The following HDAC9 variants were observed in gnomAD, a reference collection of about 807,000 sequenced individuals.
The protein encoded by HDAC9 is histone deacetylase 9.
A neutral mutation model predicts 139.4 loss-of-function variants in HDAC9; 41 were observed. The observed-to-expected ratio is 0.29, with a 90% CI of 0.23 to 0.38. The LOEUF (loss-of-function observed/expected upper bound fraction) is 0.38, where lower values mean the gene tolerates loss of function less well. Ranked by LOEUF, HDAC9 falls within the 10% of genes least tolerant of loss-of-function variation. HDAC9 has a pLI of 1.00. For synonymous variants in HDAC9, 517 were observed against 476.2 expected (o/e 1.09, Z -1.12); for missense variants, 1,147 against 1,297.0 (o/e 0.88, Z 1.78).
At chr7:18,166,106 T>C (rs983898403) in intron 2 of HDAC9, among the ~76,000 whole-genome samples, 1 of 152,218 alleles carries the variant, frequency 6.6e-6, no homozygotes, top group Non-Finnish European at 1.5e-5. Flanking sequence ...GATGAATCTA[T>C]TTTTTGTAAT....
chr7:18,302,344 A>G (rs931921160), intron 1 of HDAC9, among the ~76,000 whole-genome samples: 2 of 152,230 alleles, frequency 1.3e-5, no homozygotes, highest in Non-Finnish European at 2.9e-5. Context: ...GAAGGAATCC[A>G]GATGATGATA....
chr7:18,207,772 T>C (rs1317070819), intron 2 of HDAC9, among the ~76,000 whole-genome samples: 2 of 152,010 alleles, frequency 1.3e-5, no homozygotes, highest in Non-Finnish European at 2.9e-5. Flanking sequence ...TGGAGTGCAA[T>C]GGCGCGATCT....
intron 14 of HDAC9, among the ~76,000 whole-genome samples, chr7:18,759,011 G>A (rs2129154226): frequency 6.6e-6 from 1 of 152,140 alleles, no homozygotes. Context: ...GAAAGAATAA[G>A]GAGAAGGAGA....
At chr7:18,891,255 G>A (rs552609225) in intron 22 of HDAC9, among the ~76,000 whole-genome samples, 25 of 152,242 alleles carry the variant, frequency 1.6e-4, no homozygotes, top group African/African-American at 5.8e-4. Context: ...CCACTTTGTC[G>A]CCCAAGTAGC....
chr7:18,774,210 A>G (rs1370191523), intron 16 of HDAC9, among the ~76,000 whole-genome samples: 2 of 152,078 alleles, frequency 1.3e-5, no homozygotes, highest in African/African-American at 2.4e-5. Context: ...ATGACTAAGC[A>G]ATGATTCTCT....
At chr7:18,290,220 A>G (rs947242414), upstream of HDAC9, 5 of 289,018 alleles carry the variant, frequency 1.7e-5, no homozygotes, top group Non-Finnish European at 3.5e-5. Flanking sequence ...ATGTTCATTC[A>G]TTAACTCTCT....
chr7:18,756,014 C>T (rs916067058), intron 14 of HDAC9, among the ~76,000 whole-genome samples: 1 of 152,112 alleles, frequency 6.6e-6, no homozygotes, highest in African/African-American at 2.4e-5. Flanking sequence ...ACAGCTCCCT[C>T]TAACACGTGG....
intron 3 of HDAC9, among the ~76,000 whole-genome samples, chr7:18,586,470 T>G (rs1453920043): frequency 6.6e-6 from 1 of 152,112 alleles, no homozygotes; most frequent in Non-Finnish European, 1.5e-5. Flanking sequence ...TATCTCATAC[T>G]TTATTGTTTT....
intron 4 of HDAC9, among the ~76,000 whole-genome samples, chr7:18,591,104 T>C (rs749333196): frequency 6.6e-6 from 1 of 152,176 alleles, no homozygotes; most frequent in Non-Finnish European, 1.5e-5. Flanking sequence ...AACTAGCAAC[T>C]CAGAAAAGAT....
At chr7:18,905,601 T>G (rs1585276894) in intron 22 of HDAC9, among the ~76,000 whole-genome samples, 1 of 97,520 alleles carries the variant, frequency 1.0e-5, no homozygotes, top group African/African-American at 3.9e-5. Context: ...AATGTAAAAT[T>G]AAACCCTTTT....
At chr7:18,253,129 C>T (rs1795024302) in intron 2 of HDAC9, among the ~76,000 whole-genome samples, 1 of 152,118 alleles carries the variant, frequency 6.6e-6, no homozygotes, top group African/African-American at 2.4e-5. Context: ...ATATATGAAC[C>T]ACATTTTCTT....
At chr7:18,608,595 A>G (rs1317537002) in intron 6 of HDAC9, among the ~76,000 whole-genome samples, 3 of 152,146 alleles carry the variant, frequency 2.0e-5, no homozygotes, top group South Asian at 4.1e-4. Context: ...AATTTTTGCT[A>G]TAAAAGCTGG....
Position 18,719,890 on chromosome 7 carries a change from T to G in HDAC9, c.1732-7690T>G, listed in dbSNP as rs549326104. Among the ~76,000 whole-genome samples, 16 of 152,324 alleles carry G rather than the reference T, an allele frequency of 1.1e-4. No individual in the cohort carries two copies. The East Asian group carries it at 2.3e-3, about 22-fold the overall frequency. ...TACAAAGTCCTTCATGGAGGAAGAA[T>G]TTTTAAAATATTTTGCCCTGCTGAA... is the stretch of plus-strand genomic sequence containing the variant. On this transcript the variant is annotated intron_variant, in intron 12 of 25. Transcript: ENST00000686413.
At chr7:18,412,375 G>A (rs572096788) in intron 1 of HDAC9, among the ~76,000 whole-genome samples, 1 of 152,282 alleles carries the variant, frequency 6.6e-6, no homozygotes, top group South Asian at 2.1e-4. Flanking sequence ...ACGATGGAAT[G>A]TATCAATCAG....
chr7:18,270,963 A>G (rs1042459203), intron 2 of HDAC9, among the ~76,000 whole-genome samples: 1 of 152,204 alleles, frequency 6.6e-6, no homozygotes, highest in African/African-American at 2.4e-5. Flanking sequence ...TGCAAAAATA[A>G]ATTTAGCATT....
intron 1 of HDAC9, among the ~76,000 whole-genome samples, chr7:18,469,343 A>G (rs897345123): frequency 2.0e-5 from 3 of 152,220 alleles, no homozygotes; most frequent in African/African-American, 7.2e-5. Context: ...ATTATTATTC[A>G]CCATCAATTA....
At chr7:18,145,347 A>G (rs143641545) in intron 1 of HDAC9, among the ~76,000 whole-genome samples, 42 of 152,326 alleles carry the variant, frequency 2.8e-4, no homozygotes, top group Middle Eastern at 3.4e-3. Flanking sequence ...ATACAGGGTG[A>G]TGTAATGGCA....
chr7:18,298,180 G>A (rs1439274436), intron 1 of HDAC9, among the ~76,000 whole-genome samples: 1 of 151,880 alleles, frequency 6.6e-6, no homozygotes, highest in Non-Finnish European at 1.5e-5. Flanking sequence ...AGCTAAACAG[G>A]GTGATATTGT....
intron 2 of HDAC9, among the ~76,000 whole-genome samples, chr7:18,259,009 G>A (rs375085240): frequency 1.5e-4 from 21 of 139,046 alleles, no homozygotes; most frequent in East Asian, 6.5e-4. Flanking sequence ...TCACTCTGTC[G>A]TCCAGGCTGG....
Sources: gnomAD v4.1 joint callset for allele counts (sites outside exome capture counted in the v4.1 genomes callset) on GRCh38, gnomAD v4.1.1 for gene constraint, MANE v1.5 for transcripts, NCBI Gene and HGNC (gene_info 2026-07-23, HGNC 2026-07-21) for gene names.